The following NUBP1 variants were observed in gnomAD, a reference collection of about 807,000 sequenced individuals.
The protein encoded by NUBP1 is NUBP iron-sulfur cluster assembly factor 1, cytosolic, also known as cytosolic Fe-S cluster assembly factor NUBP1.
NUBP1 carries 46 observed loss-of-function variants against 41.8 expected under a neutral mutation model. The observed-to-expected ratio is 1.10, with a 90% CI of 0.87 to 1.41. The LOEUF is 1.41. NUBP1 is among the 40% of genes most tolerant of loss of function. The pLI is 0.00. For synonymous variants in NUBP1, 189 were observed against 154.6 expected, an observed-to-expected ratio of 1.22 and a Z score of -1.65; for missense variants, 494 against 414.0, an observed-to-expected ratio of 1.19 and a Z score of -1.68.
chr16:10,762,738 G>T (rs1284428642), intron 9 of NUBP1, among the ~76,000 whole-genome samples: 4 of 152,034 alleles, frequency 2.6e-5, no homozygotes, highest in Non-Finnish European at 5.9e-5. Flanking sequence ...CCAGTGTGAG[G>T]TGTCTGTGCC....
Position 10,768,869 on chromosome 16 carries a change from G to T in NUBP1, c.905-178G>T. On this transcript the variant is annotated intron_variant, in intron 10 of 10. Coordinates refer to ENST00000283027, the MANE Select transcript of NUBP1 (RefSeq NM_002484.4). The surrounding 1 kb of genome is among the most constrained non-coding windows in gnomAD (Gnocchi z 4.3). ...CAGCCACTGGTTATGAGCAAGATGGGTAGTGTGAGGTATTCCGGTCACTTT... is the reference window on the plus strand; with the variant it reads ...CAGCCACTGGTTATGAGCAAGATGGTTAGTGTGAGGTATTCCGGTCACTTT... 1 of 575,802 alleles carries T rather than the reference G, an allele frequency of 1.7e-6. No individual in the cohort carries two copies. The allele number at this position is 575,802 out of a possible 1,614,324, so 35.7% of individuals were successfully genotyped here. A position where few individuals can be genotyped will look rare whatever the true frequency, so the allele number is the denominator to read the frequency against.
At position 10,768,879 on chromosome 16, in the gene NUBP1, G is replaced by C. The variant is rs1319412006; in HGVS notation, c.905-168G>C. 3.5e-5 allele frequency: 21 copies of C among 603,824 alleles called. No individual in the cohort carries two copies. Among genetic ancestry groups the C allele is most frequent in the Non-Finnish European group, 5.6e-5 (19 of 337,098 alleles). The allele number at this position is 603,824 out of a possible 1,614,324, so 37.4% of individuals were successfully genotyped here. On this transcript the variant is annotated intron_variant, in intron 10 of 10. Coordinates refer to ENST00000283027, the MANE Select transcript of NUBP1 (RefSeq NM_002484.4). The surrounding 1 kb of genome is among the most constrained non-coding windows in gnomAD (Gnocchi z 4.3). ...TTATGAGCAAGATGGGTAGTGTGAG[G>C]TATTCCGGTCACTTTCAAAGACTCA...
Position 10,766,145 on chromosome 16 carries a change from C to G in NUBP1, c.821-1804C>G, listed in dbSNP as rs2030844199. 5 of 152,452 alleles carry G rather than the reference C, an allele frequency of 3.3e-5. No individual in the cohort carries two copies. The highest frequency in any genetic ancestry group is 2.0e-4 in the Admixed American group (3 of 15,284). The allele number at this position is 152,452 out of a possible 1,614,324, so 9.4% of individuals were successfully genotyped here. A position where few individuals can be genotyped will look rare whatever the true frequency, so the allele number is the denominator to read the frequency against. ...GCGCTCTGGTGCTATGGGTCCTGGT[C>G]CCGGTGTGCTGAGGATCACAGGAAG... On this transcript the variant is annotated intron_variant, in intron 9 of 10. Transcript: ENST00000283027. The surrounding 1 kb of genome is among the most constrained non-coding windows in gnomAD (Gnocchi z 4.8).
intron 7 of NUBP1, 60 bp from the exon 8 acceptor site, chr16:10,761,304 C>A: frequency 6.6e-7 from 1 of 1,504,344 alleles, no homozygotes. Flanking sequence ...CCCTCGGTTG[C>A]ACAGACATTC....
At chr16:10,747,103 G>T (rs761665533) in intron 2 of NUBP1, 40 bp from the exon 3 acceptor site, 4 of 1,611,022 alleles carry the variant, frequency 2.5e-6, no homozygotes, top group Non-Finnish European at 3.4e-6. Flanking sequence ...TCGAGGTTTG[G>T]TGTGGGACCT....
Position 10,743,920 on chromosome 16 carries a change from G to A in NUBP1, c.19+38G>A, listed in dbSNP as rs754753889. 3 of 1,580,572 alleles carry A rather than the reference G, an allele frequency of 1.9e-6. No individual in the cohort carries two copies. The Admixed American group carries it at 5.7e-5, about 30-fold the overall frequency. On this transcript the variant is annotated intron_variant, in intron 1 of 10. Transcript: ENST00000283027. ...AGGGGGCGTGGGTCGCGGGGCGAAA[G>A]TGTCGGGAGCTGCTCTAACTGTGGT...
At chr16:10,753,236 C>T (rs765785324) in intron 4 of NUBP1, among the ~76,000 whole-genome samples, 3 of 152,128 alleles carry the variant, frequency 2.0e-5, no homozygotes, top group African/African-American at 4.8e-5. Flanking sequence ...GCATTGGTTT[C>T]GATGCCTCCT....
chr16:10,766,043 TAGGAACA>T lies in NUBP1; in HGVS notation c.821-1905_821-1899del, dbSNP rs2030826275. The T allele has an allele frequency of 6.6e-6, 1 of 152,284 alleles. No homozygotes were observed. The highest frequency in any genetic ancestry group is 1.5e-5 in the Non-Finnish European group (1 of 68,096). The allele number at this position is 152,284 out of a possible 1,614,324, so 9.4% of individuals were successfully genotyped here. On this transcript the variant is annotated intron_variant, in intron 9 of 10. Transcript: ENST00000283027. This position sits in a 1 kb window ranked among gnomAD's most constrained non-coding sequence, Gnocchi z 4.8. ...CAGAGTGGGGGAAAACCCACCTTCC[TAGGAACA>T]GACAGGAAGGCATGAGGACAGCACT...
Position 10,757,879 on chromosome 16 carries a change from T to C in NUBP1, c.458T>C (p.Ile153Thr), listed in dbSNP as rs763807959. ...IWRGPKKNGM[I>T]KQFLRDVDWG... ...TGTGGATTCCTCTTTCTAGGCATGA[T>C]CAAGCAGTTCCTCCGAGATGTGGAC... The change falls in exon 7 of 11, where the codon ATC becomes ACC. Residue 153 changes from isoleucine to threonine, a missense_variant. Ile to Thr is a moderately conservative substitution (Grantham distance 89). Transcript: ENST00000283027. The surrounding 1 kb of genome is among the most constrained non-coding windows in gnomAD (Gnocchi z 4.1). 3 of 1,613,418 alleles carry C rather than the reference T, an allele frequency of 1.9e-6. No homozygotes were observed. The highest frequency in any genetic ancestry group is 2.2e-5 in the East Asian group (1 of 44,850).
At chr16:10,744,603 T>G (rs1210985553) in intron 2 of NUBP1, among the ~76,000 whole-genome samples, 1 of 152,146 alleles carries the variant, frequency 6.6e-6, no homozygotes, top group Middle Eastern at 3.2e-3. Context: ...TAGTGGAGTT[T>G]AGCTTTACTG....
chr16:10,750,588 G>C (rs1246043840), intron 3 of NUBP1, among the ~76,000 whole-genome samples: 1 of 152,204 alleles, frequency 6.6e-6, no homozygotes, highest in East Asian at 1.9e-4. Context: ...AAGGCAAACT[G>C]TCATAACAAG....
chr16:10,750,715 A>G (rs1288407968), intron 3 of NUBP1, among the ~76,000 whole-genome samples: 1 of 152,260 alleles, frequency 6.6e-6, no homozygotes, highest in Non-Finnish European at 1.5e-5. Flanking sequence ...TCAGAAGCCC[A>G]GACAGCCAAG....
chr16:10,762,567 G>T (rs1003514796), intron 9 of NUBP1, among the ~76,000 whole-genome samples: 5 of 152,128 alleles, frequency 3.3e-5, no homozygotes. Context: ...GCGGGCCTCC[G>T]TTACTGGGGC....
At chr16:10,748,914 A>G (rs1236867604) in intron 3 of NUBP1, among the ~76,000 whole-genome samples, 2 of 151,602 alleles carry the variant, frequency 1.3e-5, no homozygotes, top group African/African-American at 2.4e-5. Flanking sequence ...ACATGGTGAA[A>G]CCCTGTCTCC....
chr16:10,751,292 A>G (rs1900304237), intron 3 of NUBP1, among the ~76,000 whole-genome samples: 1 of 152,212 alleles, frequency 6.6e-6, no homozygotes, highest in Non-Finnish European at 1.5e-5. Context: ...TCATAGTGAT[A>G]GTGTCATTTC....
Position 10,767,976 on chromosome 16 carries a change from T to C in NUBP1, c.848T>C (p.Phe283Ser). 6.2e-7 allele frequency: 1 copy of C among 1,614,190 alleles called. No individual in the cohort carries two copies. Among genetic ancestry groups the C allele is most frequent in the East Asian group, 2.2e-5 (1 of 44,886 alleles). ...IGKNCDKGQS[F>S]FIDAPDSPAT... ...AAGAATTGTGACAAAGGCCAGTCTTTTTTCATTGACGCCCCAGATTCCCCA... is the reference window on the plus strand; with the variant it reads ...AAGAATTGTGACAAAGGCCAGTCTTCTTTCATTGACGCCCCAGATTCCCCA... The change falls in exon 10 of 11, where the codon TTT (phenylalanine) becomes TCT (serine). Residue 283 changes from phenylalanine (F) to serine (S), a missense_variant. Physicochemically the swap from Phe to Ser is radical, Grantham distance 155. Coordinates refer to ENST00000283027, the MANE Select transcript of NUBP1 (RefSeq NM_002484.4). The surrounding 1 kb of genome is among the most constrained non-coding windows in gnomAD (Gnocchi z 4.6).
intron 7 of NUBP1, among the ~76,000 whole-genome samples, chr16:10,760,207 T>C (rs1444487109): frequency 1.3e-5 from 2 of 152,248 alleles, no homozygotes; most frequent in Non-Finnish European, 1.5e-5. Flanking sequence ...AAGGGCCAGA[T>C]AGGAAGTAGG....
rs558928710 is a variant in NUBP1, at chr16:10,766,670, A to C, written c.821-1279A>C. 2.7e-4 allele frequency: 84 copies of C among 313,848 alleles called. No homozygotes were observed. The highest frequency in any genetic ancestry group is 1.8e-3 in the African/African-American group (83 of 46,858). The allele number at this position is 313,848 out of a possible 1,614,324, so 19.4% of individuals were successfully genotyped here. A position where few individuals can be genotyped will look rare whatever the true frequency, so the allele number is the denominator to read the frequency against. ...TGGAACAAAAAATTGGACAAAACGC[A>C]CAAAGAAAGGAAGGAAGGAAGGGAT... On this transcript the variant is annotated intron_variant, in intron 9 of 10. Transcript: ENST00000283027. This position sits in a 1 kb window ranked among gnomAD's most constrained non-coding sequence, Gnocchi z 4.8.
intron 3 of NUBP1, among the ~76,000 whole-genome samples, chr16:10,750,408 A>C (rs952366769): frequency 6.6e-6 from 1 of 151,626 alleles, no homozygotes; most frequent in African/African-American, 2.4e-5. Flanking sequence ...CACCCAGCTA[A>C]TTTTTGTATT....
Sources: allele counts gnomAD v4.1 joint callset (sites outside exome capture counted in the v4.1 genomes callset), GRCh38; gene constraint gnomAD v4.1.1; non-coding constraint Gnocchi (gnomAD v3.1); transcripts MANE v1.5; gene names NCBI Gene and HGNC (gene_info 2026-07-23, HGNC 2026-07-21).